The following LARGE1 variants were observed in gnomAD, a reference collection of about 807,000 sequenced individuals.
The protein encoded by LARGE1 is xylosyl- and glucuronyltransferase LARGE1.
LARGE1 carries 43 observed loss-of-function variants against 87.6 expected under a neutral mutation model. The ratio of observed to expected loss-of-function variants is 0.49; its 90% confidence interval spans 0.38 to 0.63. The LOEUF (loss-of-function observed/expected upper bound fraction) is 0.63, where lower values mean the gene tolerates loss of function less well. LARGE1 is among the 30% of genes least tolerant of loss of function. The pLI, the probability that LARGE1 is intolerant of heterozygous loss-of-function variation, is 0.00. For synonymous variants in LARGE1, 434 were observed against 394.6 expected (o/e 1.10, Z -1.18); for missense variants, 802 against 1,000.2 (o/e 0.80, Z 2.67).
chr22:33,826,515 G>T (rs561294311), intron 1 of LARGE1, among the ~76,000 whole-genome samples: 1 of 151,872 alleles, frequency 6.6e-6, no homozygotes, highest in Admixed American at 6.6e-5. Flanking sequence ...GCTAATTTTT[G>T]TATTTTTAGT....
intron 2 of LARGE1, among the ~76,000 whole-genome samples, chr22:33,745,603 C>T (rs1033536880): frequency 1.3e-5 from 2 of 152,290 alleles, no homozygotes; most frequent in South Asian, 2.1e-4. Context: ...GAAGCGTTAA[C>T]TCACAGATAC....
chr22:33,118,591 C>A, the LARGE1 span, among the ~76,000 whole-genome samples: 1 of 151,770 alleles, frequency 6.6e-6, no homozygotes, highest in Non-Finnish European at 1.5e-5. Flanking sequence ...ATCTCATTAC[C>A]ACTTCTGGCT....
the LARGE1 span, among the ~76,000 whole-genome samples, chr22:33,113,449 C>T: frequency 6.6e-6 from 1 of 152,322 alleles, no homozygotes; most frequent in South Asian, 2.1e-4. Context: ...TCAGGTGATC[C>T]ACCCGCCTTG....
At chr22:33,283,178 A>C in intron 13 of LARGE1, 24 bp downstream of exon 13, 1 of 1,613,860 alleles carries the variant, frequency 6.2e-7, no homozygotes, top group South Asian at 1.1e-5. Flanking sequence ...GCACCCCCAG[A>C]GTACAGCAGC....
intron 11 of LARGE1, among the ~76,000 whole-genome samples, chr22:33,168,168 A>C (rs1957615117): frequency 6.6e-6 from 1 of 152,198 alleles, no homozygotes; most frequent in South Asian, 2.1e-4. Context: ...TTGCCTCTTC[A>C]GATATTTACC....
intron 1 of LARGE1, among the ~76,000 whole-genome samples, chr22:33,894,471 A>G (rs933767815): frequency 2.0e-5 from 3 of 151,968 alleles, no homozygotes; most frequent in Admixed American, 1.3e-4. Flanking sequence ...TCTTATTTCA[A>G]TTTGAGGCTT....
chr22:33,172,564 AT>A (rs569204263), intron 11 of LARGE1, among the ~76,000 whole-genome samples: 2 of 151,828 alleles, frequency 1.3e-5, no homozygotes, highest in East Asian at 1.9e-4. Context: ...CTGCAATAGA[AT>A]TTTTTCTGGA....
chr22:33,398,969 ACTT>A (rs2065844922), intron 7 of LARGE1, among the ~76,000 whole-genome samples: 1 of 152,140 alleles, frequency 6.6e-6, no homozygotes, highest in South Asian at 2.1e-4. Context: ...GGAAGAGTAA[ACTT>A]CTGCTTTTTT....
the LARGE1 span, among the ~76,000 whole-genome samples, chr22:33,100,349 C>CAAAAAA: frequency 9.2e-5 from 6 of 65,294 alleles, no homozygotes; most frequent in Admixed American, 3.7e-4. Flanking sequence ...GACTCCATCT[C>CAAAAAA]AAAAAAAAAA....
chr22:33,444,364 T>C (rs918725323), intron 6 of LARGE1, among the ~76,000 whole-genome samples: 4 of 152,360 alleles, frequency 2.6e-5, no homozygotes, highest in Non-Finnish European at 5.9e-5. Flanking sequence ...TTTAAGTAGT[T>C]ACTGCTTAAT....
chr22:33,548,950 C>T (rs1453552081), intron 6 of LARGE1, among the ~76,000 whole-genome samples: 1 of 152,132 alleles, frequency 6.6e-6, no homozygotes, highest in Non-Finnish European at 1.5e-5. Context: ...CTTCTTTGTC[C>T]CTAAAATTCA....
chr22:33,759,546 C>T (rs560491948), intron 2 of LARGE1, among the ~76,000 whole-genome samples: 1 of 152,228 alleles, frequency 6.6e-6, no homozygotes, highest in South Asian at 2.1e-4. Context: ...ATGTAGAAGT[C>T]CTTATAACAA....
upstream of LARGE1, among the ~76,000 whole-genome samples, chr22:33,920,723 C>T (rs1428174430): frequency 1.4e-5 from 2 of 144,896 alleles, no homozygotes; most frequent in South Asian, 4.2e-4. Flanking sequence ...AGGCGGGCGG[C>T]CCCCGCCGCC....
chr22:33,476,389 T>C (rs1413858815), intron 6 of LARGE1, among the ~76,000 whole-genome samples: 1 of 152,244 alleles, frequency 6.6e-6, no homozygotes, highest in Non-Finnish European at 1.5e-5. Context: ...TTGTCTCTTA[T>C]CTACCTATGA....
At chr22:33,425,474 A>G (rs2066844497) in intron 7 of LARGE1, among the ~76,000 whole-genome samples, 1 of 152,202 alleles carries the variant, frequency 6.6e-6, no homozygotes, top group African/African-American at 2.4e-5. Context: ...TCTATGGGAC[A>G]TCTGTTATAG....
intron 7 of LARGE1, among the ~76,000 whole-genome samples, chr22:33,421,201 A>AATAAAAT (rs1392921338): frequency 7.8e-6 from 1 of 128,142 alleles, no homozygotes; most frequent in Non-Finnish European, 1.7e-5. Context: ...AAAAATAAAA[A>AATAAAAT]ATAAAATAAA....
chr22:33,757,058 A>G (rs1157840049), intron 2 of LARGE1, among the ~76,000 whole-genome samples: 3 of 152,180 alleles, frequency 2.0e-5, no homozygotes, highest in African/African-American at 7.2e-5. Context: ...CTAAGGGGTT[A>G]ACGCACTAAC....
At chr22:33,544,695 A>AACAACAACAACAACAACAC in intron 6 of LARGE1, among the ~76,000 whole-genome samples, 1 of 100,146 alleles carries the variant, frequency 1.0e-5, no homozygotes, top group Non-Finnish European at 1.9e-5. Context: ...AACAACAACC[A>AACAACAACAACAACAACAC]CAACAACAAC....
chr22:33,404,869 C>T (rs1197574143), intron 7 of LARGE1, among the ~76,000 whole-genome samples: 3 of 152,092 alleles, frequency 2.0e-5, no homozygotes, highest in Admixed American at 2.0e-4. Context: ...AGGAATTTTG[C>T]TTCTGTTCAG....
Sources: gnomAD v4.1 joint callset for allele counts (sites outside exome capture counted in the v4.1 genomes callset) on GRCh38, gnomAD v4.1.1 for gene constraint, MANE v1.5 for transcripts, NCBI Gene and HGNC (gene_info 2026-07-23, HGNC 2026-07-21) for gene names.